Variants in ARHGAP15 observed in about 807,000 individuals in gnomAD.
ARHGAP15 encodes Rho GTPase activating protein 15, also known as rho GTPase-activating protein 15.
A neutral mutation model predicts 63.7 loss-of-function variants in ARHGAP15; 51 were observed. The observed-to-expected ratio is 0.80, with a 90% CI of 0.64 to 1.01. ARHGAP15 has a LOEUF of 1.01. Among genes scored for constraint, ARHGAP15 ranks in the 50% least tolerant of loss-of-function variants. The pLI is 0.00. For synonymous variants in ARHGAP15, 191 were observed against 193.8 expected, an observed-to-expected ratio of 0.99 and a Z score of 0.12; for missense variants, 560 against 564.6, an observed-to-expected ratio of 0.99 and a Z score of 0.08.
At chr2:143,638,890 G>T (rs1680473978) in intron 12 of ARHGAP15, among the ~76,000 whole-genome samples, 1 of 151,692 alleles carries the variant, frequency 6.6e-6, no homozygotes, top group Admixed American at 6.6e-5. Flanking sequence ...CTTACATATA[G>T]CCAATTGCTA....
At chr2:143,682,281 G>A (rs184491674) in intron 12 of ARHGAP15, among the ~76,000 whole-genome samples, 1 of 145,870 alleles carries the variant, frequency 6.9e-6, no homozygotes, top group Non-Finnish European at 1.5e-5. Flanking sequence ...AACTAACGCT[G>A]TAACCTTAGC....
chr2:143,312,050 T>G (rs1683472731), intron 6 of ARHGAP15, among the ~76,000 whole-genome samples: 1 of 152,134 alleles, frequency 6.6e-6, no homozygotes, highest in African/African-American at 2.4e-5. Flanking sequence ...TATTTTGATT[T>G]TATCCATGCA....
At chr2:143,439,898 C>T (rs557360137) in intron 8 of ARHGAP15, among the ~76,000 whole-genome samples, 23 of 152,142 alleles carry the variant, frequency 1.5e-4, no homozygotes, top group Admixed American at 7.9e-4. Flanking sequence ...GACCCAAAAA[C>T]TTATTGGCAA....
chr2:143,411,869 G>T (rs1379776602), intron 6 of ARHGAP15, among the ~76,000 whole-genome samples: 1 of 152,136 alleles, frequency 6.6e-6, no homozygotes, highest in South Asian at 2.1e-4. Context: ...ACCTCCCAGA[G>T]GCAGTGATAT....
chr2:143,721,177 A>C (rs985672268), intron 13 of ARHGAP15, among the ~76,000 whole-genome samples: 1 of 152,018 alleles, frequency 6.6e-6, no homozygotes, highest in Non-Finnish European at 1.5e-5. Flanking sequence ...TGCAGACCAC[A>C]CTTTCAGAAC....
chr2:143,606,026 ACT>A (rs1697996886), intron 11 of ARHGAP15, among the ~76,000 whole-genome samples: 1 of 116,446 alleles, frequency 8.6e-6, no homozygotes, highest in Admixed American at 1.1e-4. Context: ...CCAGAGCAAG[ACT>A]CTGTCTCAAA....
At chr2:143,583,666 A>G (rs1248335765) in intron 11 of ARHGAP15, among the ~76,000 whole-genome samples, 1 of 152,148 alleles carries the variant, frequency 6.6e-6, no homozygotes, top group Non-Finnish European at 1.5e-5. Context: ...CATTTCTAAG[A>G]TTTTTGTGTG....
At chr2:143,758,436 C>CT (rs1031932865) in intron 13 of ARHGAP15, among the ~76,000 whole-genome samples, 6 of 150,822 alleles carry the variant, frequency 4.0e-5, no homozygotes, top group African/African-American at 1.2e-4. Flanking sequence ...CTGATTAGTA[C>CT]TTTTTTTTTC....
chr2:143,426,693 G>T (rs1689150041), intron 6 of ARHGAP15, among the ~76,000 whole-genome samples: 1 of 152,134 alleles, frequency 6.6e-6, no homozygotes, highest in South Asian at 2.1e-4. Flanking sequence ...AATCAGTAAA[G>T]AGACCAACTT....
At chr2:143,428,430 A>C (rs747908117) in intron 6 of ARHGAP15, among the ~76,000 whole-genome samples, 2 of 151,740 alleles carry the variant, frequency 1.3e-5, no homozygotes, top group Non-Finnish European at 2.9e-5. Flanking sequence ...GATATCAAGC[A>C]GAAGAATGGG....
At position 143,364,411 on chromosome 2, in the gene ARHGAP15, A is replaced by AGG. The variant is rs561554264; in HGVS notation, c.475-71188_475-71187dup. Among the ~76,000 whole-genome samples the AGG allele has an allele frequency of 8.5e-4, 129 of 152,256 alleles. 1 individual carries two copies. The highest frequency in any genetic ancestry group is 3.1e-3 in the African/African-American group (128 of 41,556). On this transcript the variant is annotated intron_variant, in intron 6 of 13. Transcript: ENST00000295095. ...TTTAGGAGTGGGAGTGAGAAGTGGG[A>AGG]GGGACAGCATTTCATTATTTAAGAA...
At chr2:143,167,702 C>T (rs1173394905) in intron 2 of ARHGAP15, among the ~76,000 whole-genome samples, 3 of 152,176 alleles carry the variant, frequency 2.0e-5, no homozygotes, top group East Asian at 1.9e-4. Context: ...TCATCAAAAA[C>T]AATGACAACT....
At chr2:143,703,802 G>A (rs1250673290) in intron 13 of ARHGAP15, 2 of 253,586 alleles carry the variant, frequency 7.9e-6, no homozygotes, top group South Asian at 1.0e-4. Flanking sequence ...CCCTGGGATG[G>A]GTCATCTTGA....
At chr2:143,182,295 A>C (rs1299415685) in intron 2 of ARHGAP15, among the ~76,000 whole-genome samples, 1 of 152,082 alleles carries the variant, frequency 6.6e-6, no homozygotes, top group Non-Finnish European at 1.5e-5. Flanking sequence ...TTGTAGGGTT[A>C]TTCATTGGCC....
At chr2:143,219,051 T>G (rs1692882502) in intron 4 of ARHGAP15, among the ~76,000 whole-genome samples, 1 of 152,228 alleles carries the variant, frequency 6.6e-6, no homozygotes, top group Non-Finnish European at 1.5e-5. Flanking sequence ...TCTAGTTCAT[T>G]TCTTCCAATT....
chr2:143,642,975 A>AT (rs1680680205), intron 12 of ARHGAP15, among the ~76,000 whole-genome samples: 1 of 152,130 alleles, frequency 6.6e-6, no homozygotes, highest in Non-Finnish European at 1.5e-5. Context: ...CAAAGCAGTA[A>AT]TTTCTTATCC....
At chr2:143,204,849 G>A (rs1364537899) in intron 3 of ARHGAP15, among the ~76,000 whole-genome samples, 4 of 151,794 alleles carry the variant, frequency 2.6e-5, no homozygotes, top group South Asian at 2.1e-4. Flanking sequence ...TATATTTGGT[G>A]CCCAGAAATT....
intron 10 of ARHGAP15, among the ~76,000 whole-genome samples, chr2:143,543,964 T>C (rs1695218629): frequency 6.6e-6 from 1 of 152,174 alleles, no homozygotes; most frequent in Non-Finnish European, 1.5e-5. Flanking sequence ...CTACTTTATA[T>C]TGTGATCATA....
At chr2:143,137,151 T>C (rs1689177677) in intron 1 of ARHGAP15, among the ~76,000 whole-genome samples, 1 of 152,156 alleles carries the variant, frequency 6.6e-6, no homozygotes, top group Non-Finnish European at 1.5e-5. Flanking sequence ...ATTACTCTGC[T>C]TTTGTTTTCC....
Sources: gnomAD v4.1 joint callset for allele counts (sites outside exome capture counted in the v4.1 genomes callset) on GRCh38, gnomAD v4.1.1 for gene constraint, MANE v1.5 for transcripts, NCBI Gene and HGNC (gene_info 2026-07-23, HGNC 2026-07-21) for gene names.